Variants in ZNF365 observed in about 807,000 individuals in gnomAD.
ZNF365 encodes zinc finger protein 365.
A neutral mutation model predicts 35.0 loss-of-function variants in ZNF365; 22 were observed. The observed-to-expected ratio is 0.63, with a 90% CI of 0.45 to 0.90. ZNF365 has a LOEUF of 0.90. Among genes scored for constraint, ZNF365 ranks in the 40% least tolerant of loss-of-function variants. The pLI is 0.00. For synonymous variants in ZNF365, 188 were observed against 196.2 expected, an observed-to-expected ratio of 0.96 and a Z score of 0.35; for missense variants, 448 against 500.3, an observed-to-expected ratio of 0.90 and a Z score of 1.00.
intron 3 of ZNF365, among the ~76,000 whole-genome samples, chr10:62,391,476 A>G (rs1320087872): frequency 2.0e-5 from 3 of 152,102 alleles, no homozygotes; most frequent in Non-Finnish European, 4.4e-5. Context: ...GCTCCCACTT[A>G]TGAGTGAGAA....
At chr10:62,405,603 A>T (rs1839893815), downstream of ZNF365, among the ~76,000 whole-genome samples, 5 of 152,234 alleles carry the variant, frequency 3.3e-5, no homozygotes, top group Admixed American at 3.3e-4. Context: ...TATTGCACCT[A>T]TGCAAGCCAC....
chr10:62,408,599 T>C (rs1011408588), intron 3 of ZNF365, among the ~76,000 whole-genome samples: 2 of 152,180 alleles, frequency 1.3e-5, no homozygotes, highest in African/African-American at 4.8e-5. Flanking sequence ...GTACTTAATA[T>C]ATTTGTTTAT....
In ZNF365 at chr10:62,413,074, C is replaced by A. The variant is rs115326842; in HGVS notation, c.924+24498C>A. Among the ~76,000 whole-genome samples, 936 of 152,250 alleles carry A rather than the reference C, an allele frequency of 6.1e-3. 13 individuals are homozygous for A. The highest frequency in any genetic ancestry group is 0.021 in the African/African-American group (888 of 41,522). ...CTGAGATTACTGTATAGCAATGGTT[C>A]TAAAACCCTGATGGGTATCACAGTT... On this transcript the variant is annotated intron_variant, in intron 3 of 4. Transcript: ENST00000395255.
rs372541025 is a variant in ZNF365, at chr10:62,395,102, G to A, written c.925-3638G>A. Among the ~76,000 whole-genome samples the A allele has an allele frequency of 5.9e-5, 9 of 152,300 alleles. No homozygotes were observed. In the South Asian group the frequency reaches 8.3e-4, roughly 14 times the overall value. On this transcript the variant is annotated intron_variant, in intron 3 of 4. Coordinates refer to ENST00000395254, the MANE Select transcript of ZNF365 (RefSeq NM_014951.3). ...TCGGTGTGGCTGAGGCTTCAGAAGCGTGGATTTCTGGGCTCTCTGTATCTT... is the reference window on the plus strand; with the variant it reads ...TCGGTGTGGCTGAGGCTTCAGAAGCATGGATTTCTGGGCTCTCTGTATCTT...
chr10:62,473,127 A>G (rs904419709), intron 4 of ZNF365, among the ~76,000 whole-genome samples: 1 of 152,262 alleles, frequency 6.6e-6, no homozygotes, highest in Non-Finnish European at 1.5e-5. Context: ...GTGACTTTAC[A>G]GAACTGTTTT....
intron 4 of ZNF365, among the ~76,000 whole-genome samples, chr10:62,476,933 G>T (rs1841141838): frequency 6.6e-6 from 1 of 152,050 alleles, no homozygotes; most frequent in African/African-American, 2.4e-5. Flanking sequence ...TACTGAGAGA[G>T]AAAAAATAGT....
At position 62,437,328 on chromosome 10, in the gene ZNF365, C is replaced by T. The variant is rs185073325; in HGVS notation, c.925-22413C>T. On this transcript the variant is annotated intron_variant, in intron 3 of 4. Coordinates refer to the ZNF365 transcript ENST00000395255. ...AAAAATGTAGTTTTCTGAAATTTAT[C>T]TAAAAAAGTTGATCTATATCAAGCT... Among the ~76,000 whole-genome samples the T allele has an allele frequency of 1.1e-3, 173 of 152,264 alleles. 1 individual carries two copies. Among genetic ancestry groups the T allele is most frequent in the Non-Finnish European group, 1.6e-3 (108 of 68,008 alleles).
intron 3 of ZNF365, among the ~76,000 whole-genome samples, chr10:62,391,437 T>C (rs1460926300): frequency 6.6e-6 from 1 of 152,100 alleles, no homozygotes; most frequent in African/African-American, 2.4e-5. Context: ...CATTGTATCA[T>C]TCTTAAGCCT....
At chr10:62,453,815 A>G (rs1424307750) in intron 3 of ZNF365, among the ~76,000 whole-genome samples, 4 of 152,238 alleles carry the variant, frequency 2.6e-5, no homozygotes, top group Non-Finnish European at 4.4e-5. Flanking sequence ...GAAAATAGTG[A>G]AAACTTGGAA....
In ZNF365 at chr10:62,399,702, A is replaced by G; in HGVS notation, c.1137A>G (p.Lys379=). ...SSRDLCRPPK[K]GELLGFGRKG... ...GAGACCTCTGCAGACCTCCAAAGAA[A>G]GGGGAGCTCCTGGGGTTTGGCCGCA... is the stretch of plus-strand genomic sequence containing the variant. Residue 379 remains lysine (K), a synonymous_variant, in exon 5 of 5, where the codon AAA becomes AAG. Coordinates refer to ENST00000395254, the MANE Select transcript of ZNF365 (RefSeq NM_014951.3). 6.2e-7 allele frequency: 1 copy of G among 1,614,160 alleles called. No homozygotes were observed. The highest frequency in any genetic ancestry group is 8.5e-7 in the Non-Finnish European group (1 of 1,180,018).
At chr10:62,414,629 A>G (rs1337792206) in intron 3 of ZNF365, among the ~76,000 whole-genome samples, 6 of 152,060 alleles carry the variant, frequency 3.9e-5, no homozygotes, top group Non-Finnish European at 8.8e-5. Flanking sequence ...GCATCTCCCT[A>G]GTTTCTAACC....
At chr10:62,472,030 A>T (rs115542472) in intron 4 of ZNF365, among the ~76,000 whole-genome samples, 59 of 152,354 alleles carry the variant, frequency 3.9e-4, no homozygotes, top group African/African-American at 1.4e-3. Context: ...GTGTAGTTAC[A>T]TGGGAGAAGT....
intron 3 of ZNF365, among the ~76,000 whole-genome samples, chr10:62,439,594 C>T (rs1418571155): frequency 1.3e-5 from 2 of 152,140 alleles, no homozygotes; most frequent in Non-Finnish European, 2.9e-5. Flanking sequence ...TTCCTTTGCC[C>T]TGACTTTGCA....
At chr10:62,429,481 G>C (rs1367549191) in intron 3 of ZNF365, among the ~76,000 whole-genome samples, 1 of 152,186 alleles carries the variant, frequency 6.6e-6, no homozygotes. Flanking sequence ...TTTTGACCTT[G>C]AACATAGACT....
intron 3 of ZNF365, among the ~76,000 whole-genome samples, chr10:62,424,608 G>A (rs1840223805): frequency 6.6e-6 from 1 of 152,090 alleles, no homozygotes; most frequent in Non-Finnish European, 1.5e-5. Context: ...TCACTGATTT[G>A]GATTCCATTG....
Position 62,400,927 on chromosome 10 carries a change from C to T in ZNF365, c.*1138C>T, listed in dbSNP as rs1194108227. 2 of 985,418 alleles carry T rather than the reference C, an allele frequency of 2.0e-6. No homozygotes were observed. The allele number at this position is 985,418 out of a possible 1,614,324, so 61.0% of individuals were successfully genotyped here. The stretch of plus-strand genomic sequence containing the variant: ...AATGCATGTAGGAGCCAGAATCTGA[C>T]ACTGTCTTCCCCTCCTTCCCTCCCT... On this transcript the variant is annotated 3_prime_UTR_variant, in exon 5 of 5. Coordinates refer to ENST00000395254, the MANE Select transcript of ZNF365 (RefSeq NM_014951.3).
intron 4 of ZNF365, among the ~76,000 whole-genome samples, chr10:62,462,090 T>C (rs1192465152): frequency 6.6e-6 from 1 of 152,160 alleles, no homozygotes; most frequent in Non-Finnish European, 1.5e-5. Flanking sequence ...TCGGAGTACT[T>C]TGTATAGGGC....
At chr10:62,454,497 T>C (rs1840731382) in intron 3 of ZNF365, among the ~76,000 whole-genome samples, 1 of 152,226 alleles carries the variant, frequency 6.6e-6, no homozygotes, top group Non-Finnish European at 1.5e-5. Context: ...TTTATTTTGG[T>C]CTAAAATGCT....
Position 62,400,249 on chromosome 10 carries a change from G to T in ZNF365, c.*460G>T. ...CAGTAAAATGAAAATATTTGTGTTT[G>T]TGTATAACCTTCCCCTCAGCTAATT... On this transcript the variant is annotated 3_prime_UTR_variant, in exon 5 of 5. Coordinates refer to ENST00000395254, the MANE Select transcript of ZNF365 (RefSeq NM_014951.3). 1 of 988,544 alleles carries T rather than the reference G, an allele frequency of 1.0e-6. No individual in the cohort carries two copies. Among genetic ancestry groups the T allele is most frequent in the Non-Finnish European group, 1.2e-6 (1 of 831,580 alleles). The allele number at this position is 988,544 out of a possible 1,614,324, so 61.2% of individuals were successfully genotyped here. A position where few individuals can be genotyped will look rare whatever the true frequency, so the allele number is the denominator to read the frequency against.
Sources: gnomAD v4.1 joint callset for allele counts (sites outside exome capture counted in the v4.1 genomes callset) on GRCh38, gnomAD v4.1.1 for gene constraint, MANE v1.5 for transcripts, NCBI Gene and HGNC (gene_info 2026-07-23, HGNC 2026-07-21) for gene names.